CWF19L2: variants seen among roughly 807,000 people sequenced by gnomAD.
The protein encoded by CWF19L2 is CWF19-like protein 2.
CWF19L2 carries 98 observed loss-of-function variants against 111.7 expected under a neutral mutation model. That is an observed-to-expected ratio of 0.88 (90% CI 0.75 to 1.04). The LOEUF is 1.04. CWF19L2 is among the 50% of genes least tolerant of loss of function. The pLI, the probability that CWF19L2 is intolerant of heterozygous loss-of-function variation, is 0.00. For missense variants in CWF19L2, 1,101 were observed against 1,051.4 expected, an observed-to-expected ratio of 1.05 and a Z score of -0.65; for synonymous variants, 351 against 342.9, an observed-to-expected ratio of 1.02 and a Z score of -0.26.
chr11:107,421,535 G>GCA (rs1384991161), intron 8 of CWF19L2, among the ~76,000 whole-genome samples: 3 of 152,038 alleles, frequency 2.0e-5, no homozygotes, highest in Non-Finnish European at 4.4e-5. Context: ...AGAGGTAACA[G>GCA]CACTACACGT....
rs775818897 is a variant in CWF19L2, at chr11:107,329,964, G to C, written c.2495C>G (p.Ala832Gly). 6.3e-7 allele frequency: 1 copy of C among 1,591,764 alleles called. No homozygotes were observed. Among genetic ancestry groups the C allele is most frequent in the African/African-American group, 1.3e-5 (1 of 74,506 alleles). ...SVDFGLHGGF[A>G]HVIEDQHKFP... ...TTTGTGCTGATCTTCAATGACATGG[G>C]CAAACCCTCCGTGAAGGCCAAAATC... is the stretch of plus-strand genomic sequence containing the variant. Residue 832 changes from alanine to glycine, a missense_variant, in exon 17 of 18, where the codon GCC (alanine) becomes GGC (glycine). Physicochemically the swap from Ala to Gly is moderately conservative, Grantham distance 60. Coordinates refer to ENST00000282251, the MANE Select transcript of CWF19L2 (RefSeq NM_152434.3).
At chr11:107,396,420 C>T (rs1471602482) in intron 10 of CWF19L2, among the ~76,000 whole-genome samples, 1 of 152,118 alleles carries the variant, frequency 6.6e-6, no homozygotes. Flanking sequence ...CCAAAATGCT[C>T]TGGGATCATT....
intron 5 of CWF19L2, 32 bp from the exon 6 acceptor site, chr11:107,439,215 C>CA: frequency 7.6e-7 from 1 of 1,316,954 alleles, no homozygotes; most frequent in Non-Finnish European, 1.1e-6. Context: ...GGTGAAATTT[C>CA]AAAAAATTAA....
At chr11:107,359,329 C>T (rs1327091712) in intron 12 of CWF19L2, among the ~76,000 whole-genome samples, 1 of 152,034 alleles carries the variant, frequency 6.6e-6, no homozygotes, top group South Asian at 2.1e-4. Flanking sequence ...AAATCCCCAT[C>T]ATTCTGAAGT....
At chr11:107,371,856 G>T (rs545429220) in intron 12 of CWF19L2, among the ~76,000 whole-genome samples, 2 of 136,876 alleles carry the variant, frequency 1.5e-5, no homozygotes, top group East Asian at 2.1e-4. Flanking sequence ...AACAAAAAAG[G>T]ACAACAAAAA....
intron 12 of CWF19L2, 99 bp downstream of exon 12, chr11:107,389,975 C>G: frequency 1.0e-6 from 1 of 996,892 alleles, no homozygotes; most frequent in Non-Finnish European, 1.5e-6. Context: ...TAAAATGAAT[C>G]AAGATTAGAG....
At chr11:107,442,277 T>G (rs2135421363) in intron 4 of CWF19L2, among the ~76,000 whole-genome samples, 1 of 152,318 alleles carries the variant, frequency 6.6e-6, no homozygotes, top group East Asian at 1.9e-4. Flanking sequence ...ACTGCCAAAA[T>G]TATTCCTAAA....
At chr11:107,361,289 T>A (rs1391519303) in intron 12 of CWF19L2, among the ~76,000 whole-genome samples, 1 of 152,246 alleles carries the variant, frequency 6.6e-6, no homozygotes, top group East Asian at 1.9e-4. Context: ...TTTCAATATT[T>A]CCTATTCTGT....
intron 8 of CWF19L2, among the ~76,000 whole-genome samples, chr11:107,423,137 G>T (rs539990246): frequency 2.8e-4 from 42 of 151,780 alleles, no homozygotes; most frequent in Non-Finnish European, 4.1e-4. Flanking sequence ...TTTTTTGTAT[G>T]GAAAATATTT....
At chr11:107,373,995 C>A (rs181453491) in intron 12 of CWF19L2, among the ~76,000 whole-genome samples, 3,356 of 135,184 alleles carry the variant, frequency 0.025, 747 homozygotes, top group African/African-American at 0.078. Flanking sequence ...GGAGCTGATG[C>A]GATCAACTGG....
intron 10 of CWF19L2, among the ~76,000 whole-genome samples, chr11:107,398,248 A>T (rs1403578951): frequency 5.3e-5 from 8 of 152,236 alleles, no homozygotes; most frequent in African/African-American, 1.9e-4. Flanking sequence ...GGGACCAGAG[A>T]AAGGCAAAGC....
chr11:107,333,135 T>A (rs1423014951), intron 16 of CWF19L2, among the ~76,000 whole-genome samples: 1 of 151,702 alleles, frequency 6.6e-6, no homozygotes, highest in African/African-American at 2.4e-5. Flanking sequence ...ATCTGGCTCA[T>A]CCTTCATTGA....
chr11:107,331,834 C>T (rs1455654553), intron 16 of CWF19L2, among the ~76,000 whole-genome samples: 1 of 152,214 alleles, frequency 6.6e-6, no homozygotes, highest in African/African-American at 2.4e-5. Context: ...TCTCTATTCT[C>T]TCCCTGCAGG....
At chr11:107,371,483 G>A (rs1385031237) in intron 12 of CWF19L2, among the ~76,000 whole-genome samples, 1 of 110,082 alleles carries the variant, frequency 9.1e-6, no homozygotes, top group East Asian at 2.6e-4. Flanking sequence ...AATATTTAAA[G>A]TACGGCATGA....
chr11:107,328,021 T>C (rs1386626284), intron 17 of CWF19L2, among the ~76,000 whole-genome samples: 1 of 151,848 alleles, frequency 6.6e-6, no homozygotes, highest in African/African-American at 2.4e-5. Flanking sequence ...AGACACACAG[T>C]TGTCTTCAGA....
rs1220479451 is a variant in CWF19L2, at chr11:107,390,214, A to G, written c.1735-3T>C. The stretch of plus-strand genomic sequence containing the variant: ...TCTCTTTCCTCATGGGTTGAAACCT[A>G]TGACAAAATGAACATTATTAATTTA... On this transcript the variant is annotated splice_polypyrimidine_tract_variant and splice_region_variant and intron_variant, in intron 11 of 17. Transcript: ENST00000282251. 6.3e-7 allele frequency: 1 copy of G among 1,586,874 alleles called. No individual in the cohort carries two copies. Among genetic ancestry groups the G allele is most frequent in the South Asian group, 1.2e-5 (1 of 86,178 alleles).
chr11:107,345,515 C>T, intron 14 of CWF19L2: 1 of 452,610 alleles, frequency 2.2e-6, no homozygotes, highest in Middle Eastern at 3.3e-4. Context: ...AGAAGGCAGA[C>T]TCAAAATGTC....
chr11:107,361,224 T>G (rs894899821), intron 12 of CWF19L2, among the ~76,000 whole-genome samples: 13 of 152,150 alleles, frequency 8.5e-5, no homozygotes, highest in African/African-American at 3.1e-4. Flanking sequence ...TTTTCCCCGG[T>G]GTATGTTCGT....
chr11:107,410,411 G>A (rs912022568), intron 10 of CWF19L2, among the ~76,000 whole-genome samples: 5 of 152,148 alleles, frequency 3.3e-5, no homozygotes, highest in African/African-American at 1.2e-4. Context: ...ACTTAGTAAA[G>A]CTTGAACCAG....
Sources: gnomAD v4.1 joint callset for allele counts (sites outside exome capture counted in the v4.1 genomes callset) on GRCh38, gnomAD v4.1.1 for gene constraint, MANE v1.5 for transcripts, NCBI Gene and HGNC (gene_info 2026-07-23, HGNC 2026-07-21) for gene names.